The following ENOSF1 variants were observed in gnomAD, a reference collection of about 807,000 sequenced individuals.
The protein encoded by ENOSF1 is enolase superfamily member 1.
ENOSF1 carries 73 observed loss-of-function variants against 68.2 expected under a neutral mutation model. That is an observed-to-expected ratio of 1.07 (90% CI 0.89 to 1.30). The LOEUF (loss-of-function observed/expected upper bound fraction) is 1.30. Among genes scored for constraint, ENOSF1 ranks in the 50% most tolerant of loss-of-function variants. ENOSF1 has a pLI of 0.00. For synonymous variants in ENOSF1, 223 were observed against 210.4 expected (o/e 1.06, Z -0.52); for missense variants, 589 against 554.5 (o/e 1.06, Z -0.62).
intron 10 of ENOSF1, among the ~76,000 whole-genome samples, chr18:685,455 A>T (rs1295231514): frequency 6.6e-6 from 1 of 152,224 alleles, no homozygotes; most frequent in Non-Finnish European, 1.5e-5. Context: ...CCAAAGCCTC[A>T]TAAAAACATC....
chr18:678,709 G>A lies in ENOSF1; in HGVS notation c.905C>T (p.Ala302Val). 1 of 1,614,122 alleles carries A rather than the reference G, an allele frequency of 6.2e-7. No individual in the cohort carries two copies. Among genetic ancestry groups the A allele is most frequent in the Non-Finnish European group, 8.5e-7 (1 of 1,180,034 alleles). Residue 302 changes from alanine to valine, a missense_variant, in exon 12 of 16, where the codon GCC becomes GTC. Ala to Val is a moderately conservative substitution (Grantham distance 64, BLOSUM62 0). Coordinates refer to ENST00000647584, the MANE Select transcript of ENOSF1 (RefSeq NM_017512.7). ...GGCGTCACTCACCTGTTCTCCTGTG[G>A]CAATGCCAATTCCTAATGGGACCAG... ...KALVPLGIGI[A>V]TGEQCHNRVI...
chr18:685,496 G>GT (rs1471508924), intron 10 of ENOSF1, among the ~76,000 whole-genome samples: 3 of 152,090 alleles, frequency 2.0e-5, no homozygotes, highest in Non-Finnish European at 2.9e-5. Context: ...TATTTTACAC[G>GT]TAAGAACTGG....
chr18:673,113 T>G lies in ENOSF1; in HGVS notation c.*1192A>C, dbSNP rs1213402526. ...AGGAACTAGGTCAAAAATCTGTCCG[T>G]GACCTATCAGTTATTAATTTTTAAG... On this transcript the variant is annotated 3_prime_UTR_variant, in exon 16 of 16. Coordinates refer to ENST00000647584, the MANE Select transcript of ENOSF1 (RefSeq NM_017512.7). The G allele has an allele frequency of 2.6e-6, 3 of 1,156,082 alleles. No homozygotes were observed. Among genetic ancestry groups the G allele is most frequent in the Non-Finnish European group, 2.4e-6 (2 of 846,410 alleles). 71.6% of individuals were successfully genotyped at this position (1,156,082 alleles called of 1,614,324 possible).
intron 11 of ENOSF1, among the ~76,000 whole-genome samples, chr18:679,327 A>C (rs1336821062): frequency 6.7e-6 from 1 of 150,374 alleles, no homozygotes; most frequent in African/African-American, 2.5e-5. Context: ...CTCGTGCCTC[A>C]GCCTCCTGAG....
intron 2 of ENOSF1, among the ~76,000 whole-genome samples, chr18:698,739 G>A (rs368550094): frequency 2.6e-5 from 4 of 152,014 alleles, no homozygotes; most frequent in African/African-American, 9.7e-5. Flanking sequence ...TTCCACCTCC[G>A]CCTCCTGAGT....
rs2075736178 is a variant in ENOSF1, at chr18:678,431, T to C, written c.918+265A>G. On this transcript the variant is annotated intron_variant, in intron 12 of 15. Coordinates refer to ENST00000647584, the MANE Select transcript of ENOSF1 (RefSeq NM_017512.7). ...CATTTTCTGCCCTTGCAATAGCAACTTTAAATTGCTGCCTTTTCAATTTCA... is the reference window on the plus strand; with the variant it reads ...CATTTTCTGCCCTTGCAATAGCAACCTTAAATTGCTGCCTTTTCAATTTCA... 6.0e-6 allele frequency: 3 copies of C among 500,214 alleles called. No individual in the cohort carries two copies. In the Admixed American group the frequency reaches 1.1e-4, roughly 18 times the overall value. The allele number at this position is 500,214 out of a possible 1,614,324, so 31.0% of individuals were successfully genotyped here. A position where few individuals can be genotyped will look rare whatever the true frequency, so the allele number is the denominator to read the frequency against.
intron 10 of ENOSF1, among the ~76,000 whole-genome samples, chr18:683,722 T>C (rs1017947771): frequency 1.3e-5 from 2 of 152,124 alleles, no homozygotes; most frequent in South Asian, 4.1e-4. Context: ...ACATGTGTCT[T>C]GCAGTGTTGG....
chr18:696,200 CTCTCTT>C (rs1318817734), intron 3 of ENOSF1, among the ~76,000 whole-genome samples: 9 of 129,516 alleles, frequency 6.9e-5, no homozygotes, highest in South Asian at 2.5e-4. Flanking sequence ...TTTTACATCT[CTCTCTT>C]TTTTTTTTTT....
chr18:671,013 T>C lies in ENOSF1; in HGVS notation c.*3292A>G. ...AGTAAGAAATGAACCAGCTTTTACT[T>C]TGAAACCTTCCTCTTCTGGAAGGTT... On this transcript the variant is annotated 3_prime_UTR_variant, in exon 16 of 16. Transcript: ENST00000647584. 2.0e-6 allele frequency: 2 copies of C among 996,250 alleles called. No homozygotes were observed. The highest frequency in any genetic ancestry group is 2.9e-6 in the Non-Finnish European group (2 of 692,830). 61.7% of individuals were successfully genotyped at this position (996,250 alleles called of 1,614,324 possible).
intron 10 of ENOSF1, among the ~76,000 whole-genome samples, chr18:685,628 A>C (rs1022019142): frequency 4.0e-5 from 6 of 150,762 alleles, no homozygotes; most frequent in Non-Finnish European, 8.8e-5. Context: ...GGGAGATTAC[A>C]TGATTGACAC....
At chr18:696,433 G>C (rs1288720147) in intron 3 of ENOSF1, among the ~76,000 whole-genome samples, 2 of 151,654 alleles carry the variant, frequency 1.3e-5, no homozygotes, top group African/African-American at 4.8e-5. Flanking sequence ...GGATGGTCTC[G>C]ACCTCCTGAC....
chr18:687,599 C>T (rs1426530761), intron 9 of ENOSF1: 1 of 152,172 alleles, frequency 6.6e-6, no homozygotes, highest in African/African-American at 2.4e-5. Flanking sequence ...CACACAGTGA[C>T]TGGGTCAAAA....
chr18:705,226 G>A (rs2078809348), intron 2 of ENOSF1, among the ~76,000 whole-genome samples: 1 of 152,218 alleles, frequency 6.6e-6, no homozygotes, highest in Non-Finnish European at 1.5e-5. Flanking sequence ...CGAAGTTAGA[G>A]AAACTCTTTT....
intron 5 of ENOSF1, chr18:693,403 A>C: frequency 1.8e-6 from 2 of 1,138,160 alleles, no homozygotes; most frequent in Non-Finnish European, 2.2e-6. Context: ...GCAGCCTGAA[A>C]CTCCTGGGCT....
At chr18:706,437 C>A (rs187241009) in intron 2 of ENOSF1, 33 bp downstream of exon 2, 1 of 1,352,822 alleles carries the variant, frequency 7.4e-7, no homozygotes, top group Non-Finnish European at 1.1e-6. Flanking sequence ...GAAAATTAAG[C>A]ATTCTGGAAC....
In ENOSF1 at chr18:693,879, C is replaced by T. The variant is rs1363869393; in HGVS notation, c.423+3G>A. The stretch of plus-strand genomic sequence containing the variant: ...CAATTGTAACATTAACAATGCTACT[C>T]ACCATGTCCACAAGTAACTTCCAGA... On this transcript the variant is annotated splice_donor_region_variant and intron_variant, in intron 5 of 15. Transcript: ENST00000647584. 1.3e-5 allele frequency: 21 copies of T among 1,613,900 alleles called. 1 individual carries two copies. The highest frequency in any genetic ancestry group is 1.6e-4 in the Middle Eastern group (1 of 6,084).
intron 8 of ENOSF1, among the ~76,000 whole-genome samples, chr18:689,186 G>A (rs2076912822): frequency 6.6e-6 from 1 of 152,142 alleles, no homozygotes; most frequent in Non-Finnish European, 1.5e-5. Context: ...CAGAGCCCAA[G>A]GTGACTCACT....
chr18:675,819 T>G (rs1199965089), intron 14 of ENOSF1, among the ~76,000 whole-genome samples: 1 of 134,836 alleles, frequency 7.4e-6, no homozygotes, highest in African/African-American at 2.9e-5. Context: ...GGCTTGGGGT[T>G]TTTTTGGCAG....
At chr18:668,058 GATA>G (rs1232523851), downstream of ENOSF1, among the ~76,000 whole-genome samples, 3 of 136,974 alleles carry the variant, frequency 2.2e-5, no homozygotes, top group South Asian at 2.4e-4. Flanking sequence ...TTCCCCCAGT[GATA>G]ATATCTTGGG....
Sources: allele counts gnomAD v4.1 joint callset (sites outside exome capture counted in the v4.1 genomes callset), GRCh38; gene constraint gnomAD v4.1.1; transcripts MANE v1.5; gene names NCBI Gene and HGNC (gene_info 2026-07-23, HGNC 2026-07-21).